SLC35E3: variants seen among roughly 807,000 people sequenced by gnomAD.
SLC35E3 encodes the protein solute carrier family 35 member E3.
A neutral mutation model predicts 30.8 loss-of-function variants in SLC35E3; 28 were observed. The ratio of observed to expected loss-of-function variants is 0.91; its 90% confidence interval spans 0.67 to 1.25. The LOEUF is 1.25. SLC35E3 is among the 50% of genes most tolerant of loss of function. SLC35E3 has a pLI of 0.00. For missense variants in SLC35E3, 365 were observed against 375.4 expected, an observed-to-expected ratio of 0.97 and a Z score of 0.23; for synonymous variants, 146 against 149.2, an observed-to-expected ratio of 0.98 and a Z score of 0.16.
chr12:68,755,195 C>T (rs1225589961), intron 3 of SLC35E3, among the ~76,000 whole-genome samples: 1 of 152,170 alleles, frequency 6.6e-6, no homozygotes, highest in African/African-American at 2.4e-5. Context: ...ATAGTCACCT[C>T]CCAAAGGCCC....
Position 68,748,048 on chromosome 12 carries a change from A to ATTTTTTTT in SLC35E3, c.513+10_513+17dup. On this transcript the variant is annotated intron_variant, in intron 2 of 4. Transcript: ENST00000398004. ...ACATCCCTTTATCAAGTGGTTGGTAATTTTTTTTTCTTTATGTGCCTTTTT... is the reference window on the plus strand; with the variant it reads ...ACATCCCTTTATCAAGTGGTTGGTAATTTTTTTTTTTTTTTTTCTTTATGTGCCTTTTT... The ATTTTTTTT allele has an allele frequency of 6.6e-7, 1 of 1,519,062 alleles. No individual in the cohort carries two copies. The highest frequency in any genetic ancestry group is 9.1e-7 in the Non-Finnish European group (1 of 1,103,960). The allele number at this position is 1,519,062 out of a possible 1,614,324, so 94.1% of individuals were successfully genotyped here.
rs1214599258 is a variant in SLC35E3, at chr12:68,776,032, C to T, written c.*11142C>T. On this transcript the variant is annotated 3_prime_UTR_variant, in exon 5 of 5. Coordinates refer to ENST00000398004, the MANE Select transcript of SLC35E3 (RefSeq NM_018656.5). The stretch of plus-strand genomic sequence containing the variant: ...ATCCCAGCACTTTGGGAGGCCAAGG[C>T]AGGAGGATCACTTGAGGTCAGGAGT... 4 of 137,312 alleles carry T rather than the reference C, an allele frequency of 2.9e-5. No homozygotes were observed. The highest frequency in any genetic ancestry group is 1.1e-4 in the African/African-American group (4 of 36,298). 8.5% of individuals were successfully genotyped at this position (137,312 alleles called of 1,614,324 possible).
intron 4 of SLC35E3, among the ~76,000 whole-genome samples, chr12:68,759,840 T>G (rs1879180151): frequency 6.6e-6 from 1 of 152,112 alleles, no homozygotes; most frequent in Non-Finnish European, 1.5e-5. Context: ...TTACAGACAG[T>G]GAGATTAAAT....
At chr12:68,763,933 G>A (rs1043090969) in intron 4 of SLC35E3, among the ~76,000 whole-genome samples, 4 of 152,112 alleles carry the variant, frequency 2.6e-5, no homozygotes, top group African/African-American at 9.7e-5. Flanking sequence ...GGAAGAGTGA[G>A]CCTGCAGTGA....
intron 2 of SLC35E3, among the ~76,000 whole-genome samples, chr12:68,750,378 G>T (rs1484514610): frequency 6.6e-6 from 1 of 152,224 alleles, no homozygotes; most frequent in Non-Finnish European, 1.5e-5. Flanking sequence ...CAGTCAGGGC[G>T]ATGAAAGAGG....
intron 1 of SLC35E3, among the ~76,000 whole-genome samples, chr12:68,747,461 G>T (rs1402895120): frequency 6.6e-6 from 1 of 152,084 alleles, no homozygotes; most frequent in Non-Finnish European, 1.5e-5. Flanking sequence ...TAAAGACGGG[G>T]TTTCTCCATG....
At position 68,765,471 on chromosome 12, in the gene SLC35E3, C is replaced by T. The variant is rs191335602; in HGVS notation, c.*581C>T. The stretch of plus-strand genomic sequence containing the variant: ...GTGTGGTGGTGCACACCTGTAATCC[C>T]AGCTACTTGGGAGACTGAGACATGA... On this transcript the variant is annotated 3_prime_UTR_variant, in exon 5 of 5. Transcript: ENST00000398004. 4 of 151,516 alleles carry T rather than the reference C, an allele frequency of 2.6e-5. No individual in the cohort carries two copies. Among genetic ancestry groups the T allele is most frequent in the Non-Finnish European group, 5.9e-5 (4 of 67,946 alleles). 9.4% of individuals were successfully genotyped at this position (151,516 alleles called of 1,614,324 possible). A position where few individuals can be genotyped will look rare whatever the true frequency, so the allele number is the denominator to read the frequency against.
chr12:68,753,835 C>CACACACACA (rs71091554), intron 3 of SLC35E3, among the ~76,000 whole-genome samples: 2 of 146,366 alleles, frequency 1.4e-5, no homozygotes, highest in African/African-American at 5.2e-5. Flanking sequence ...CACACACACA[C>CACACACACA]CCCAATTAAA....
intron 3 of SLC35E3, among the ~76,000 whole-genome samples, chr12:68,753,250 C>T (rs1323445125): frequency 6.6e-6 from 1 of 151,760 alleles, no homozygotes; most frequent in Non-Finnish European, 1.5e-5. Context: ...CCACTGCACT[C>T]CAGCCTGGGC....
rs1878556955 is a variant in SLC35E3, at chr12:68,746,388, T to G, written c.11T>G (p.Leu4Arg). MAL[L>R]VDRVRGHWRI... Reference sequence around the variant, plus strand: ...AGCTTCGCGGGGATCATGGCATTGCTGGTGGACCGAGTGCGGGGCCACTGG... The same window carrying G: ...AGCTTCGCGGGGATCATGGCATTGCGGGTGGACCGAGTGCGGGGCCACTGG... The change falls in exon 1 of 5, where the codon CTG becomes CGG. Residue 4 changes from leucine to arginine, a missense_variant. Physicochemically the swap from Leu to Arg is moderately radical, Grantham distance 102. Transcript: ENST00000398004. The G allele has an allele frequency of 1.3e-6, 2 of 1,595,400 alleles. No individual in the cohort carries two copies. Among genetic ancestry groups the G allele is most frequent in the African/African-American group, 1.3e-5 (1 of 74,852 alleles).
Position 68,779,683 on chromosome 12 carries a change from A to G in SLC35E3, c.*14793A>G, listed in dbSNP as rs547617905. On this transcript the variant is annotated 3_prime_UTR_variant, in exon 5 of 5. Transcript: ENST00000398004. ...GCCAGGTACAGTGGCCTGCATCTGT[A>G]ATCCCAGTGTTTTGGGAGGCCAAGG... The G allele has an allele frequency of 6.6e-6, 1 of 152,362 alleles. No individual in the cohort carries two copies. Among genetic ancestry groups the G allele is most frequent in the Non-Finnish European group, 1.5e-5 (1 of 68,054 alleles). 9.4% of individuals were successfully genotyped at this position (152,362 alleles called of 1,614,324 possible). A position where few individuals can be genotyped will look rare whatever the true frequency, so the allele number is the denominator to read the frequency against.
intron 2 of SLC35E3, among the ~76,000 whole-genome samples, chr12:68,751,206 G>A (rs142630307): frequency 1.8e-3 from 278 of 151,988 alleles, no homozygotes; most frequent in African/African-American, 6.3e-3. Flanking sequence ...AGCAACTGAC[G>A]AGACCACATA....
chr12:68,751,400 C>A (rs1403897939), intron 2 of SLC35E3, among the ~76,000 whole-genome samples: 3 of 151,770 alleles, frequency 2.0e-5, no homozygotes, highest in Non-Finnish European at 2.9e-5. Context: ...TTGGTTCAAG[C>A]GATTCTCCTG....
In SLC35E3 at chr12:68,775,554, A is replaced by G. The variant is rs1391297103; in HGVS notation, c.*10664A>G. ...TCACTGGGCAGAGCCTTCATGACCC[A>G]GTCACCTTTTAAAGGCGCCATCTCT... On this transcript the variant is annotated 3_prime_UTR_variant, in exon 5 of 5. Coordinates refer to ENST00000398004, the MANE Select transcript of SLC35E3 (RefSeq NM_018656.5). 1.3e-5 allele frequency: 2 copies of G among 152,236 alleles called. No homozygotes were observed. The highest frequency in any genetic ancestry group is 2.9e-5 in the Non-Finnish European group (2 of 68,072). 9.4% of individuals were successfully genotyped at this position (152,236 alleles called of 1,614,324 possible).
chr12:68,771,275 G>C lies in SLC35E3; in HGVS notation c.*6385G>C, dbSNP rs1181323751. 7.8e-6 allele frequency: 1 copy of C among 127,614 alleles called. No homozygotes were observed. The highest frequency in any genetic ancestry group is 2.9e-5 in the African/African-American group (1 of 34,716). 7.9% of individuals were successfully genotyped at this position (127,614 alleles called of 1,614,324 possible). A position where few individuals can be genotyped will look rare whatever the true frequency, so the allele number is the denominator to read the frequency against. ...GGTGACAGAGAGAGACTCTATCTCAGAAAAAAAAAAAAAAGATGTTAATCA... is the reference window on the plus strand; with the variant it reads ...GGTGACAGAGAGAGACTCTATCTCACAAAAAAAAAAAAAAGATGTTAATCA... On this transcript the variant is annotated 3_prime_UTR_variant, in exon 5 of 5. Transcript: ENST00000398004.
intron 3 of SLC35E3, among the ~76,000 whole-genome samples, chr12:68,754,680 G>A (rs530313549): frequency 1.3e-5 from 2 of 151,994 alleles, no homozygotes; most frequent in African/African-American, 2.4e-5. Flanking sequence ...TACATCATGT[G>A]TTCTCATGTA....
Position 68,770,597 on chromosome 12 carries a change from G to C in SLC35E3, c.*5707G>C, listed in dbSNP as rs1331766407. ...GCCTGTAATCCCAGCACTTTGGGAG[G>C]CTGAGGTGGGTGGATTGCTTGAGTC... is the stretch of plus-strand genomic sequence containing the variant. On this transcript the variant is annotated 3_prime_UTR_variant, in exon 5 of 5. Transcript: ENST00000398004. The C allele has an allele frequency of 6.6e-6, 1 of 152,600 alleles. No individual in the cohort carries two copies. The highest frequency in any genetic ancestry group is 2.4e-5 in the African/African-American group (1 of 41,426). 9.5% of individuals were successfully genotyped at this position (152,600 alleles called of 1,614,324 possible).
chr12:68,763,494 A>G (rs1879291482), intron 4 of SLC35E3, among the ~76,000 whole-genome samples: 1 of 151,926 alleles, frequency 6.6e-6, no homozygotes, highest in Non-Finnish European at 1.5e-5. Context: ...GGTTCAAGCG[A>G]TTCTCCTGCC....
Position 68,746,689 on chromosome 12 carries a change from G to C in SLC35E3, c.312G>C (p.Gln104His), listed in dbSNP as rs1878587485. 1.2e-6 allele frequency: 2 copies of C among 1,614,090 alleles called. No individual in the cohort carries two copies. Among genetic ancestry groups the C allele is most frequent in the Non-Finnish European group, 1.7e-6 (2 of 1,180,036 alleles). The change falls in exon 1 of 5, where the codon CAG becomes CAC. Residue 104 changes from glutamine (Q) to histidine (H), a missense_variant. Transcript: ENST00000398004. ...AGAACAACACCATAGGCACCTATCA[G>C]CTGGCCAAGGCCATGACCACGCCGG... ...SLQNNTIGTYQLAKAMTTPVI... is the reference protein window; with the variant it reads ...SLQNNTIGTYHLAKAMTTPVI...
Sources: gnomAD v4.1 joint callset for allele counts (sites outside exome capture counted in the v4.1 genomes callset) on GRCh38, gnomAD v4.1.1 for gene constraint, MANE v1.5 for transcripts, NCBI Gene and HGNC (gene_info 2026-07-23, HGNC 2026-07-21) for gene names.